The following SYT14 variants were observed in gnomAD, a reference collection of about 807,000 sequenced individuals.
SYT14 encodes synaptotagmin 14.
Under a neutral mutation model 74.2 loss-of-function variants are expected in SYT14, and 32 were observed. The observed-to-expected ratio is 0.43, with a 90% confidence interval of 0.33 to 0.58. SYT14 has a LOEUF of 0.58. Among genes scored for constraint, SYT14 ranks in the 20% least tolerant of loss-of-function variants. SYT14 has a pLI of 0.05. For missense variants in SYT14, 791 were observed against 981.8 expected, an observed-to-expected ratio of 0.81 and a Z score of 2.60; for synonymous variants, 298 against 337.7, an observed-to-expected ratio of 0.88 and a Z score of 1.29.
chr1:209,955,491 CTT>C (rs1005603052), intron 2 of SYT14, among the ~76,000 whole-genome samples: 2 of 151,948 alleles, frequency 1.3e-5, no homozygotes, highest in East Asian at 3.9e-4. Flanking sequence ...AATTTATCCT[CTT>C]TTTTTTCATC....
chr1:209,962,442 C>T (rs937573093), intron 2 of SYT14, among the ~76,000 whole-genome samples: 3 of 151,646 alleles, frequency 2.0e-5, no homozygotes, highest in South Asian at 2.1e-4. Context: ...TATAGAGCCT[C>T]GGTAGTAGCA....
chr1:210,013,676 T>G, exon 3 of SYT14: 2 of 1,613,242 alleles, frequency 1.2e-6, no homozygotes, highest in Non-Finnish European at 1.7e-6. Context: ...TTGGGGTGTT[T>G]ATTATCTTGA....
chr1:210,065,395 C>T (rs1447834398), intron 5 of SYT14, among the ~76,000 whole-genome samples: 1 of 151,936 alleles, frequency 6.6e-6, no homozygotes, highest in Admixed American at 6.6e-5. Flanking sequence ...TTTTGTTTGG[C>T]ACTTCTTGCT....
At chr1:209,959,799 G>A (rs948707903) in intron 2 of SYT14, among the ~76,000 whole-genome samples, 4 of 152,058 alleles carry the variant, frequency 2.6e-5, no homozygotes, top group Admixed American at 2.6e-4. Flanking sequence ...ACTACTAATA[G>A]GTATGGGTTT....
intron 5 of SYT14, among the ~76,000 whole-genome samples, chr1:210,074,522 T>C (rs1346945499): frequency 6.6e-6 from 1 of 152,240 alleles, no homozygotes; most frequent in Non-Finnish European, 1.5e-5. Context: ...TTACATTGTT[T>C]ATTAATAATG....
chr1:210,034,827 A>G (rs1355355877), intron 5 of SYT14, among the ~76,000 whole-genome samples: 1 of 151,892 alleles, frequency 6.6e-6, no homozygotes, highest in Non-Finnish European at 1.5e-5. Flanking sequence ...ATGGCTGAGT[A>G]GTATTCCCTG....
intron 4 of SYT14, among the ~76,000 whole-genome samples, chr1:210,020,600 T>A (rs1305778753): frequency 1.3e-5 from 2 of 152,190 alleles, no homozygotes; most frequent in African/African-American, 4.8e-5. Context: ...AAATGTGTCT[T>A]TTAATGTGAG....
chr1:210,083,503 C>T (rs911281735), intron 5 of SYT14, among the ~76,000 whole-genome samples: 1 of 152,140 alleles, frequency 6.6e-6, no homozygotes, highest in Non-Finnish European at 1.5e-5. Flanking sequence ...GCCTCAATCT[C>T]CTGGGCTCAA....
chr1:210,167,076 T>C (rs1467753776), exon 10 of SYT14: 2 of 152,226 alleles, frequency 1.3e-5, no homozygotes, highest in African/African-American at 2.4e-5. Context: ...TGTTCAAATA[T>C]TTCCTTCTAA....
intron 2 of SYT14, among the ~76,000 whole-genome samples, chr1:209,985,168 C>T (rs1167466622): frequency 1.3e-5 from 2 of 152,176 alleles, no homozygotes; most frequent in East Asian, 3.9e-4. Flanking sequence ...TCCAAAGTCT[C>T]ATCTGATACA....
At chr1:210,076,270 T>C (rs1393140455) in intron 5 of SYT14, among the ~76,000 whole-genome samples, 1 of 152,228 alleles carries the variant, frequency 6.6e-6, no homozygotes, top group Non-Finnish European at 1.5e-5. Context: ...CTTACTAATA[T>C]AGATGCCATG....
At chr1:210,014,631 G>A (rs2080148415) in intron 3 of SYT14, among the ~76,000 whole-genome samples, 13 of 152,046 alleles carry the variant, frequency 8.6e-5, no homozygotes, top group Admixed American at 8.5e-4. Context: ...CTTAAAAGGC[G>A]ATAGCCCCAT....
intron 7 of SYT14, among the ~76,000 whole-genome samples, chr1:210,121,501 T>G (rs1203135742): frequency 2.6e-5 from 4 of 152,164 alleles, no homozygotes; most frequent in Admixed American, 2.6e-4. Context: ...TTTGGAAATA[T>G]ATTCTGAGTA....
chr1:209,981,264 C>G (rs2079479237), intron 2 of SYT14, among the ~76,000 whole-genome samples: 1 of 152,016 alleles, frequency 6.6e-6, no homozygotes, highest in Non-Finnish European at 1.5e-5. Context: ...ATTGTTCTTT[C>G]ATTTCCATGT....
intron 7 of SYT14, among the ~76,000 whole-genome samples, chr1:210,116,440 G>A (rs2082362948): frequency 6.6e-6 from 1 of 152,162 alleles, no homozygotes; most frequent in African/African-American, 2.4e-5. Context: ...CCAGGTTCCT[G>A]GTTTCAAGTG....
intron 2 of SYT14, among the ~76,000 whole-genome samples, chr1:209,982,519 T>A (rs906269416): frequency 5.9e-5 from 9 of 152,350 alleles, no homozygotes; most frequent in Non-Finnish European, 1.3e-4. Context: ...AAATTTTTTT[T>A]AATAACTCAT....
intron 2 of SYT14, among the ~76,000 whole-genome samples, chr1:209,960,361 A>G (rs999164976): frequency 1.3e-5 from 2 of 152,200 alleles, no homozygotes; most frequent in African/African-American, 4.8e-5. Flanking sequence ...TTGTTTTTTC[A>G]ATTTAGGAAA....
intron 1 of SYT14, among the ~76,000 whole-genome samples, chr1:209,945,576 C>G (rs551579175): frequency 6.6e-5 from 10 of 152,236 alleles, no homozygotes; most frequent in East Asian, 1.9e-4. Context: ...TTTAAAGGCT[C>G]TGACTAATGC....
chr1:210,129,088 C>A (rs2082625329), intron 7 of SYT14, among the ~76,000 whole-genome samples: 1 of 151,998 alleles, frequency 6.6e-6, no homozygotes, highest in African/African-American at 2.4e-5. Flanking sequence ...GAAAAGTTTC[C>A]TTTTTAGAAA....
Sources: allele counts gnomAD v4.1 joint callset (sites outside exome capture counted in the v4.1 genomes callset), GRCh38; gene constraint gnomAD v4.1.1; transcripts MANE v1.5; gene names NCBI Gene and HGNC (gene_info 2026-07-23, HGNC 2026-07-21).